Variants in PERM1 observed in about 807,000 individuals in gnomAD.
PERM1 encodes the protein PPARGC1 and ESRR induced regulator, muscle 1.
In PERM1, 45 loss-of-function variants were observed where a neutral mutation model predicts 44.1. The observed-to-expected ratio is 1.02, with a 90% CI of 0.80 to 1.31. PERM1 has a LOEUF of 1.31. Ranked by LOEUF, PERM1 falls within the 50% of genes most tolerant of loss-of-function variation. The pLI is 0.00. For synonymous variants in PERM1, 565 were observed against 477.1 expected, an observed-to-expected ratio of 1.18 and a Z score of -2.40; for missense variants, 1,189 against 1,106.9, an observed-to-expected ratio of 1.07 and a Z score of -1.05.
exon 1 of PERM1, chr1:980,103 A>G: frequency 1.3e-6 from 2 of 1,549,894 alleles, no homozygotes; most frequent in East Asian, 2.4e-5. Context: ...TGTCCCTGTC[A>G]GGTTGCGGCT....
exon 1 of PERM1, chr1:979,955 C>A (rs760296428): frequency 8.4e-6 from 13 of 1,549,832 alleles, no homozygotes; most frequent in Non-Finnish European, 1.1e-5. Flanking sequence ...ATAGACACAG[C>A]CATGTCCCTG....
At chr1:976,240 C>G in exon 3 of PERM1, 1 of 1,535,702 alleles carries the variant, frequency 6.5e-7, no homozygotes, top group Non-Finnish European at 8.8e-7. Context: ...TAGCGGATGG[C>G]AGAGATGGTG....
At chr1:979,650 A>T in exon 1 of PERM1, 1 of 1,550,230 alleles carries the variant, frequency 6.5e-7, no homozygotes, top group Non-Finnish European at 8.7e-7. Flanking sequence ...TGCGGGTGGG[A>T]GGCCAGGCGA....
rs1421410637 is a variant in PERM1 at position 979,285 on chromosome 1, T to TG, written c.1744_1745insC (p.Glu582AlafsTer9). The TG allele has an allele frequency of 6.5e-7, 1 of 1,548,022 alleles. No individual in the cohort carries two copies. Among genetic ancestry groups the TG allele is most frequent in the Non-Finnish European group, 8.7e-7 (1 of 1,145,490 alleles). ...GTCACAGAAGAAGAACTCGTAGGCCTCCGGGAGGGTCACGGCAAAGCTGCT... is the reference window on the plus strand; with the variant it reads ...GTCACAGAAGAAGAACTCGTAGGCCTGCCGGGAGGGTCACGGCAAAGCTGCT... On this transcript the variant is annotated frameshift_variant, in exon 1 of 3. Coordinates refer to ENST00000433179, the Ensembl canonical transcript of PERM1. LOFTEE classifies it high-confidence loss of function.
At chr1:981,035 G>A, upstream of PERM1, 3 of 1,532,716 alleles carry the variant, frequency 2.0e-6, no homozygotes, top group Admixed American at 2.2e-5. Context: ...TCCATGTGGA[G>A]TCAGCAGAGG....
At position 979,074 on chromosome 1, in the gene PERM1, C is replaced by T. The variant is rs553412088; in HGVS notation, c.1956G>A (p.Val652=). The change falls in exon 1 of 3, where the codon GTG becomes GTA. Residue 652 remains valine, a synonymous_variant. Transcript: ENST00000433179. The stretch of plus-strand genomic sequence containing the variant: ...CATAGACCTCAGGGATGGAGATGGG[C>T]ACGGGGTCTCCAGGTATGGGGGCCG... 25 of 1,548,166 alleles carry T rather than the reference C, an allele frequency of 1.6e-5. No homozygotes were observed. In the South Asian group the frequency reaches 2.5e-4, roughly 16 times the overall value.
exon 1 of PERM1, chr1:979,528 T>C: frequency 6.5e-7 from 1 of 1,549,972 alleles, no homozygotes; most frequent in South Asian, 1.2e-5. Flanking sequence ...CACTTTCTTC[T>C]TCCTGGGGAC....
chr1:976,615 C>G, exon 2 of PERM1: 4 of 1,549,318 alleles, frequency 2.6e-6, no homozygotes, highest in Non-Finnish European at 3.5e-6. Context: ...GACAGGCCCC[C>G]GGAGCTCCCC....
chr1:976,227 A>C, exon 3 of PERM1: 2 of 1,538,700 alleles, frequency 1.3e-6, no homozygotes, highest in South Asian at 2.4e-5. Context: ...CTGCCGGCGG[A>C]AGTAGCGGAT....
exon 1 of PERM1, chr1:979,812 G>A (rs755389421): frequency 6.5e-7 from 1 of 1,550,236 alleles, no homozygotes; most frequent in South Asian, 1.2e-5. Context: ...GGCCATGTTT[G>A]GAGGCAGGTG....
At chr1:981,170 T>C (rs536053739), upstream of PERM1, 41 of 1,547,764 alleles carry the variant, frequency 2.6e-5, 2 homozygotes, top group Middle Eastern at 6.7e-4. Flanking sequence ...GCTCCATCCA[T>C]GCCCTGAAAG....
At chr1:979,674 G>T in exon 1 of PERM1, 1 of 1,550,274 alleles carries the variant, frequency 6.5e-7, no homozygotes, top group Non-Finnish European at 8.7e-7. Flanking sequence ...CAGCGGCGTC[G>T]GCTCTGGGAA....
upstream of PERM1, chr1:981,314 G>A (rs939300999): frequency 1.4e-5 from 11 of 811,500 alleles, no homozygotes; most frequent in East Asian, 1.2e-4. Flanking sequence ...GTGATGATGC[G>A]GTGTTACATT....
intron 1 of PERM1, 124 bp downstream of exon 2, chr1:978,757 G>T: frequency 2.3e-6 from 2 of 871,706 alleles, no homozygotes; most frequent in Non-Finnish European, 3.3e-6. Flanking sequence ...TGGTCCCCAG[G>T]CTCCCCTGCT....
exon 1 of PERM1, chr1:980,506 G>A (rs1213667361): frequency 6.7e-7 from 1 of 1,489,098 alleles, no homozygotes; most frequent in Admixed American, 2.4e-5. Flanking sequence ...CCGTGGTGGG[G>A]CTCCAGGGCT....
At chr1:976,516 G>A (rs1400369760) in exon 2 of PERM1, 4 of 1,549,556 alleles carry the variant, frequency 2.6e-6, no homozygotes, top group South Asian at 1.2e-5. Context: ...CCAGGCGTCT[G>A]GGGTATGCGG....
At chr1:980,900 C>G (rs772190826) in exon 1 of PERM1, 82 of 1,411,896 alleles carry the variant, frequency 5.8e-5, no homozygotes, top group Non-Finnish European at 7.1e-5. Flanking sequence ...TCCCCTTGGT[C>G]AATGTCACTG....
chr1:980,093 T>C (rs1233983684), exon 1 of PERM1: 6 of 1,549,696 alleles, frequency 3.9e-6, no homozygotes, highest in Non-Finnish European at 2.6e-6. Flanking sequence ...GACACAGCCA[T>C]GTCCCTGTCA....
chr1:980,049 G>A (rs1447715163), exon 1 of PERM1: 4 of 1,548,582 alleles, frequency 2.6e-6, no homozygotes, highest in Non-Finnish European at 3.5e-6. Flanking sequence ...ACACAGCCAT[G>A]TCCCTGTCAG....
Sources: gnomAD v4.1 joint callset for allele counts on GRCh38, gnomAD v4.1.1 for gene constraint, MANE v1.5 for transcripts, NCBI Gene and HGNC (gene_info 2026-07-23, HGNC 2026-07-21) for gene names.